LRMDA: variants seen among roughly 807,000 people sequenced by gnomAD.
LRMDA encodes leucine rich melanocyte differentiation associated, also known as leucine-rich melanocyte differentiation-associated protein.
LRMDA carries 18 observed loss-of-function variants against 29.8 expected under a neutral mutation model. The ratio of observed to expected loss-of-function variants is 0.60; its 90% CI spans 0.42 to 0.90. The LOEUF is 0.90. LRMDA is among the 40% of genes least tolerant of loss of function. The pLI, the probability that LRMDA is intolerant of heterozygous loss-of-function variation, is 0.00. For missense variants in LRMDA, 273 were observed against 273.9 expected, an observed-to-expected ratio of 1.00 and a Z score of 0.02; for synonymous variants, 125 against 109.4, an observed-to-expected ratio of 1.14 and a Z score of -0.89.
intron 2 of LRMDA, among the ~76,000 whole-genome samples, chr10:75,638,415 A>G (rs11592351): frequency 0.046 from 6,982 of 152,304 alleles, 419 homozygotes; most frequent in African/African-American, 0.13. Context: ...CTGCAAGCCA[A>G]TTTGTAAAAA....
chr10:76,200,714 CTTTTTTT>C (rs545738244), intron 5 of LRMDA, among the ~76,000 whole-genome samples: 5 of 142,742 alleles, frequency 3.5e-5, no homozygotes, highest in African/African-American at 5.1e-5. Flanking sequence ...TTTTCTTTTT[CTTTTTTT>C]TTTTTTTCTT....
chr10:76,303,851 G>C (rs1017525431), intron 5 of LRMDA, among the ~76,000 whole-genome samples: 3 of 151,944 alleles, frequency 2.0e-5, no homozygotes, highest in African/African-American at 7.3e-5. Flanking sequence ...GCCAGGCAGC[G>C]GCTAACACGC....
At chr10:76,466,101 A>AG (rs1236700012) in intron 6 of LRMDA, among the ~76,000 whole-genome samples, 3 of 152,180 alleles carry the variant, frequency 2.0e-5, no homozygotes, top group Non-Finnish European at 4.4e-5. Context: ...AGGCAAGGCA[A>AG]GGGGGAAACA....
chr10:76,494,075 T>G (rs1405622309), intron 6 of LRMDA, among the ~76,000 whole-genome samples: 1 of 152,034 alleles, frequency 6.6e-6, no homozygotes, highest in African/African-American at 2.4e-5. Context: ...TTTTGTACAT[T>G]TGGTGTGATT....
chr10:76,375,365 C>G (rs968432779), intron 6 of LRMDA, among the ~76,000 whole-genome samples: 1 of 151,970 alleles, frequency 6.6e-6, no homozygotes, highest in South Asian at 2.1e-4. Flanking sequence ...TTAGGCCAAT[C>G]TTTCTCAGTT....
At chr10:76,321,756 G>T (rs555586630) in intron 5 of LRMDA, among the ~76,000 whole-genome samples, 1 of 152,200 alleles carries the variant, frequency 6.6e-6, no homozygotes, top group South Asian at 2.1e-4. Flanking sequence ...ACCAGCCTGG[G>T]CAACATGGCA....
intron 6 of LRMDA, among the ~76,000 whole-genome samples, chr10:76,448,492 C>G (rs959437302): frequency 2.0e-5 from 3 of 152,006 alleles, no homozygotes; most frequent in Non-Finnish European, 4.4e-5. Flanking sequence ...CCAATGGTAG[C>G]GTAATCATTC....
intron 5 of LRMDA, among the ~76,000 whole-genome samples, chr10:76,140,034 C>G (rs1850169926): frequency 6.6e-6 from 1 of 152,038 alleles, no homozygotes; most frequent in Admixed American, 6.6e-5. Context: ...ACAAAGGACT[C>G]TTTTCATAGA....
At chr10:76,039,755 C>T (rs935648696) in intron 3 of LRMDA, among the ~76,000 whole-genome samples, 1 of 152,180 alleles carries the variant, frequency 6.6e-6, no homozygotes, top group African/African-American at 2.4e-5. Context: ...AAAATGCAGA[C>T]AATGCTAGTA....
chr10:76,358,425 G>A (rs555324117), intron 6 of LRMDA, among the ~76,000 whole-genome samples: 1 of 152,168 alleles, frequency 6.6e-6, no homozygotes, highest in Non-Finnish European at 1.5e-5. Context: ...GTTTCCTCTT[G>A]GCATTAAGTG....
At chr10:76,429,821 G>T (rs573259224) in intron 6 of LRMDA, among the ~76,000 whole-genome samples, 2 of 152,262 alleles carry the variant, frequency 1.3e-5, no homozygotes, top group East Asian at 1.9e-4. Flanking sequence ...GGCTCCTTGG[G>T]TTTCCAAATG....
At chr10:76,133,607 A>G (rs1277913581) in intron 5 of LRMDA, among the ~76,000 whole-genome samples, 1 of 152,196 alleles carries the variant, frequency 6.6e-6, no homozygotes, top group Non-Finnish European at 1.5e-5. Flanking sequence ...GCTAAATTAA[A>G]AAGAATGTTA....
intron 6 of LRMDA, among the ~76,000 whole-genome samples, chr10:76,503,454 GGC>G (rs1290155390): frequency 7.3e-6 from 1 of 137,788 alleles, no homozygotes; most frequent in African/African-American, 2.6e-5. Flanking sequence ...TCTGGTCTGG[GGC>G]TTTCTTTGAT....
At chr10:76,482,254 G>A (rs777664150) in intron 6 of LRMDA, among the ~76,000 whole-genome samples, 1 of 151,846 alleles carries the variant, frequency 6.6e-6, no homozygotes, top group Non-Finnish European at 1.5e-5. Context: ...CAAATTTTAA[G>A]TGTGCAGTTC....
intron 2 of LRMDA, among the ~76,000 whole-genome samples, chr10:75,807,497 G>C (rs561301106): frequency 6.6e-6 from 1 of 152,158 alleles, no homozygotes; most frequent in Non-Finnish European, 1.5e-5. Context: ...TTCTGTCTTC[G>C]GGATTGTATT....
intron 6 of LRMDA, among the ~76,000 whole-genome samples, chr10:76,462,958 T>C (rs766839060): frequency 7.9e-5 from 12 of 152,200 alleles, no homozygotes; most frequent in Non-Finnish European, 1.6e-4. Context: ...ACCGAGGCAG[T>C]GCACAGAGCC....
chr10:76,183,021 G>A (rs1305711613), intron 5 of LRMDA, among the ~76,000 whole-genome samples: 3 of 152,286 alleles, frequency 2.0e-5, no homozygotes, highest in African/African-American at 7.2e-5. Context: ...TGTATTTAAA[G>A]GGACTAGAAG....
chr10:75,937,017 C>T (rs1393154614), intron 2 of LRMDA, among the ~76,000 whole-genome samples: 1 of 152,146 alleles, frequency 6.6e-6, no homozygotes, highest in African/African-American at 2.4e-5. Context: ...AATCATCCTT[C>T]TGTTTACTGG....
At chr10:76,128,888 G>A (rs1849935317) in intron 5 of LRMDA, among the ~76,000 whole-genome samples, 1 of 152,218 alleles carries the variant, frequency 6.6e-6, no homozygotes, top group East Asian at 1.9e-4. Flanking sequence ...CCTCCTGGCT[G>A]TGTTCCAAGG....
Sources: allele counts gnomAD v4.1 joint callset (sites outside exome capture counted in the v4.1 genomes callset), GRCh38; gene constraint gnomAD v4.1.1; transcripts MANE v1.5; gene names NCBI Gene and HGNC (gene_info 2026-07-23, HGNC 2026-07-21).